Variants in ABL2 observed in about 807,000 individuals in gnomAD.
ABL2 encodes the protein tyrosine-protein kinase ABL2.
Under a neutral mutation model 107.7 loss-of-function variants are expected in ABL2, and 49 were observed. That is an observed-to-expected ratio of 0.45 (90% confidence interval 0.36 to 0.58). The LOEUF is 0.58. ABL2 is among the 20% of genes least tolerant of loss of function. The pLI is 0.00. For synonymous variants in ABL2, 549 were observed against 548.6 expected (o/e 1.00, Z -0.01); for missense variants, 1,245 against 1,457.0 (o/e 0.85, Z 2.37).
At chr1:179,133,701 C>T (rs763744888) in intron 1 of ABL2, among the ~76,000 whole-genome samples, 1 of 152,144 alleles carries the variant, frequency 6.6e-6, no homozygotes, top group Non-Finnish European at 1.5e-5. Context: ...GGAATATGTT[C>T]CAAGACCCCC....
intron 1 of ABL2, among the ~76,000 whole-genome samples, chr1:179,145,148 A>C (rs953323850): frequency 2.6e-5 from 4 of 152,194 alleles, no homozygotes; most frequent in South Asian, 2.1e-4. Context: ...AATAAGCCAG[A>C]CACATCAAGG....
intron 1 of ABL2, among the ~76,000 whole-genome samples, chr1:179,158,485 A>C (rs1658845109): frequency 6.6e-6 from 1 of 152,160 alleles, no homozygotes; most frequent in South Asian, 2.1e-4. Context: ...TCAGAGATCA[A>C]TTTTCTTGGA....
rs748568984 is a variant in ABL2, at chr1:179,108,028, G to T, written c.3239C>A (p.Ser1080Ter). 2 of 1,614,234 alleles carry T rather than the reference G, an allele frequency of 1.2e-6. No homozygotes were observed. Among genetic ancestry groups the T allele is most frequent in the South Asian group, 2.2e-5 (2 of 91,090 alleles). The change falls in exon 12 of 12, where the codon TCA becomes TAA. Residue 1080 changes from serine to a stop codon, truncating the protein, a stop_gained. Coordinates refer to ENST00000502732, the MANE Select transcript of ABL2 (RefSeq NM_007314.4). LOFTEE classifies it high-confidence loss of function. ...GGCCTCTTTGCTGATTTTGTCTGCT[G>T]AGATTTTCTCAGCGGCCTGTTTGGT... ...RKTKQAAEKI[S>*]ADKISKEALL...
At chr1:179,178,164 G>A (rs139935481) in intron 1 of ABL2, among the ~76,000 whole-genome samples, 382 of 151,790 alleles carry the variant, frequency 2.5e-3, no homozygotes, top group Non-Finnish European at 4.2e-3. Flanking sequence ...TTGGGAGGCT[G>A]AGGCGGATAG....
intron 1 of ABL2, among the ~76,000 whole-genome samples, chr1:179,144,220 G>A (rs1223660451): frequency 6.6e-6 from 1 of 152,066 alleles, no homozygotes; most frequent in African/African-American, 2.4e-5. Context: ...CACTTTGGGA[G>A]GCAGAGGTGG....
At position 179,109,319 on chromosome 1, in the gene ABL2, C is replaced by A; in HGVS notation, c.1948G>T (p.Gly650Trp). ...KETCFTRDRK[G>W]GFFSSFMKKR... ...TTCATGAAGGAGCTGAAGAAGCCCC[C>A]CTTCCTATCCCTGGTGAAGCATGTC... The change falls in exon 12 of 12, where the codon GGG becomes TGG. Residue 650 changes from glycine to tryptophan, a missense_variant. Coordinates refer to ENST00000502732, the MANE Select transcript of ABL2 (RefSeq NM_007314.4). 1.2e-6 allele frequency: 2 copies of A among 1,614,052 alleles called. No homozygotes were observed. The highest frequency in any genetic ancestry group is 1.7e-6 in the Non-Finnish European group (2 of 1,180,006).
rs192007748 is a variant in ABL2, at chr1:179,136,409, C to T, written c.158-3035G>A. On this transcript the variant is annotated intron_variant, in intron 1 of 11. Transcript: ENST00000502732. ...GGGATCCTGTTGATCGGTGACCTTA[C>T]CCCCAACCCTGTGCTCCCTGAAACA... 8.5e-3 allele frequency among the ~76,000 whole-genome samples: 1,291 copies of T among 152,272 alleles called. 42 individuals are homozygous for T. The highest frequency in any genetic ancestry group is 0.057 in the Admixed American group (872 of 15,294).
At chr1:179,213,533 T>C (rs1662401690) in intron 1 of ABL2, among the ~76,000 whole-genome samples, 1 of 152,074 alleles carries the variant, frequency 6.6e-6, no homozygotes. Context: ...ACTCCTGGGC[T>C]CAGGTGATCC....
At chr1:179,140,880 G>T (rs774910075) in intron 1 of ABL2, among the ~76,000 whole-genome samples, 8 of 152,166 alleles carry the variant, frequency 5.3e-5, no homozygotes, top group Non-Finnish European at 1.0e-4. Context: ...GTGGTGGCTA[G>T]CGTCTGTAAT....
intron 1 of ABL2, among the ~76,000 whole-genome samples, chr1:179,135,776 G>A (rs1366522310): frequency 1.4e-5 from 2 of 142,538 alleles, no homozygotes; most frequent in Admixed American, 6.9e-5. Context: ...GGAGGGAGGT[G>A]GGGGGGTCAG....
intron 1 of ABL2, among the ~76,000 whole-genome samples, chr1:179,168,633 T>C (rs1659532802): frequency 6.6e-6 from 1 of 152,232 alleles, no homozygotes; most frequent in South Asian, 2.1e-4. Flanking sequence ...TTTCTTTTTG[T>C]GTACAGTTCT....
At chr1:179,186,143 G>A (rs1046406882) in intron 1 of ABL2, among the ~76,000 whole-genome samples, 4 of 151,964 alleles carry the variant, frequency 2.6e-5, no homozygotes, top group African/African-American at 7.3e-5. Context: ...TACTCGGGAG[G>A]CTGAGGCAGG....
chr1:179,216,254 G>A (rs1483816589), intron 1 of ABL2, among the ~76,000 whole-genome samples: 3 of 152,188 alleles, frequency 2.0e-5, no homozygotes, highest in Non-Finnish European at 2.9e-5. Context: ...AAGTTTAAAC[G>A]TTGGATAGTA....
In ABL2 at chr1:179,108,738, T is replaced by C; in HGVS notation, c.2529A>G (p.Pro843=). ...ACTTGGCTTTTGGTCTCTCCCTGCT[T>C]GGAGCAGCACTTTCCTCTGATTTTT... is the stretch of plus-strand genomic sequence containing the variant. ...LPKKSEESAA[P]SRERPKAKLL... The change falls in exon 12 of 12, where the codon CCA becomes CCG. Residue 843 remains proline (P), a synonymous_variant. Transcript: ENST00000502732. The C allele has an allele frequency of 6.2e-7, 1 of 1,614,210 alleles. No individual in the cohort carries two copies. The highest frequency in any genetic ancestry group is 1.1e-5 in the South Asian group (1 of 91,086).
chr1:179,208,121 C>A (rs1662077508), intron 1 of ABL2, among the ~76,000 whole-genome samples: 1 of 152,000 alleles, frequency 6.6e-6, no homozygotes, highest in African/African-American at 2.4e-5. Flanking sequence ...TATTTATTAA[C>A]CTTTAATAAA....
intron 1 of ABL2, among the ~76,000 whole-genome samples, chr1:179,165,981 G>A (rs759697945): frequency 3.3e-5 from 5 of 152,016 alleles, no homozygotes; most frequent in Non-Finnish European, 7.4e-5. Context: ...ATTCACAGTA[G>A]AGACGGGGTT....
intron 8 of ABL2, among the ~76,000 whole-genome samples, chr1:179,115,704 C>T (rs1177574689): frequency 6.6e-6 from 1 of 152,068 alleles, no homozygotes; most frequent in Non-Finnish European, 1.5e-5. Context: ...ATGTATTCTC[C>T]TGAGGATAAA....
At chr1:179,119,543 C>A (rs1187780692) in intron 6 of ABL2, among the ~76,000 whole-genome samples, 8 of 148,674 alleles carry the variant, frequency 5.4e-5, no homozygotes, top group African/African-American at 1.7e-4. Context: ...ACCCCCCACA[C>A]CCCCCCAAAA....
At chr1:179,151,728 A>G (rs897829488) in intron 1 of ABL2, among the ~76,000 whole-genome samples, 4 of 152,202 alleles carry the variant, frequency 2.6e-5, no homozygotes, top group African/African-American at 9.6e-5. Flanking sequence ...TTAAGTAACT[A>G]TAATTCATTG....
Sources: gnomAD v4.1 joint callset for allele counts (sites outside exome capture counted in the v4.1 genomes callset) on GRCh38, gnomAD v4.1.1 for gene constraint, MANE v1.5 for transcripts, NCBI Gene and HGNC (gene_info 2026-07-23, HGNC 2026-07-21) for gene names.